CSMD1: variants seen among roughly 807,000 people sequenced by gnomAD.
The protein encoded by CSMD1 is CUB and sushi domain-containing protein 1.
A neutral mutation model predicts 417.5 loss-of-function variants in CSMD1; 213 were observed. The ratio of observed to expected loss-of-function variants is 0.51; its 90% CI spans 0.46 to 0.57. The LOEUF (loss-of-function observed/expected upper bound fraction) is 0.57. Among genes scored for constraint, CSMD1 ranks in the 20% least tolerant of loss-of-function variants. The pLI is 0.00. For missense variants in CSMD1, 6,923 were observed against 4,529.7 expected (o/e 1.53, Z -15.17); for synonymous variants, 2,862 against 1,736.8 (o/e 1.65, Z -16.11).
At chr8:3,017,481 T>C (rs1808943423) in intron 52 of CSMD1, among the ~76,000 whole-genome samples, 1 of 152,290 alleles carries the variant, frequency 6.6e-6, no homozygotes, top group South Asian at 2.1e-4. Flanking sequence ...TTCAATAATA[T>C]ATAATGCACT....
chr8:4,985,479 A>G (rs762924649), intron 1 of CSMD1, among the ~76,000 whole-genome samples: 2 of 152,220 alleles, frequency 1.3e-5, no homozygotes, highest in African/African-American at 2.4e-5. Flanking sequence ...TCTTTAGGTG[A>G]GCAAAATTAT....
At chr8:2,960,338 G>A (rs778687289) in intron 62 of CSMD1, among the ~76,000 whole-genome samples, 8 of 152,224 alleles carry the variant, frequency 5.3e-5, no homozygotes, top group Non-Finnish European at 5.9e-5. Context: ...CTCTGTGTCC[G>A]AGCGAGAACA....
chr8:3,700,563 G>A (rs1047068308), intron 7 of CSMD1: 1 of 152,296 alleles, frequency 6.6e-6, no homozygotes, highest in Non-Finnish European at 1.5e-5. Context: ...TTAGTACTTG[G>A]ATGGGAGAAG....
Position 4,245,416 on chromosome 8 carries a change from G to C in CSMD1, c.415+174537C>G, listed in dbSNP as rs867475466. Among the ~76,000 whole-genome samples, 8 of 152,158 alleles carry C rather than the reference G, an allele frequency of 5.3e-5. No homozygotes were observed. In the South Asian group the frequency reaches 1.5e-3, roughly 28 times the overall value. ...CTGATCCACACTCTGATGATGCAAA[G>C]GGAGGAGGAGGCAGGTTAGGTGGTG... On this transcript the variant is annotated intron_variant, in intron 3 of 69. Transcript: ENST00000635120.
intron 3 of CSMD1, among the ~76,000 whole-genome samples, chr8:4,201,737 T>C (rs946697449): frequency 6.6e-6 from 1 of 151,950 alleles, no homozygotes. Context: ...AAAAACATGA[T>C]GATTGGATAC....
chr8:3,952,487 T>C (rs1005701786), intron 5 of CSMD1, among the ~76,000 whole-genome samples: 1 of 152,216 alleles, frequency 6.6e-6, no homozygotes, highest in Non-Finnish European at 1.5e-5. Flanking sequence ...TACTTTCTAG[T>C]ACTAACAGAT....
At chr8:3,834,117 C>T (rs1260424546) in intron 5 of CSMD1, among the ~76,000 whole-genome samples, 1 of 152,160 alleles carries the variant, frequency 6.6e-6, no homozygotes, top group East Asian at 1.9e-4. Flanking sequence ...GTTTTCCTTA[C>T]ATTTCTAATT....
rs936528349 is a variant in CSMD1, at chr8:3,795,038, C to T, written c.819-40996G>A. The stretch of plus-strand genomic sequence containing the variant: ...TATCTATCATATATAGCTATAGATA[C>T]ATATCTATCATGTATAGCTATAGAT... On this transcript the variant is annotated intron_variant, in intron 5 of 69. Coordinates refer to ENST00000635120, the MANE Select transcript of CSMD1 (RefSeq NM_033225.6). 2.4e-4 allele frequency among the ~76,000 whole-genome samples: 32 copies of T among 135,816 alleles called. 1 individual carries two copies. Among genetic ancestry groups the T allele is most frequent in the Admixed American group, 5.5e-4 (7 of 12,824 alleles). 89.1% of individuals were successfully genotyped at this position (135,816 alleles called of 152,430 possible). A position where few individuals can be genotyped will look rare whatever the true frequency, so the allele number is the denominator to read the frequency against.
chr8:3,249,237 A>G (rs1800097292), intron 26 of CSMD1, among the ~76,000 whole-genome samples: 1 of 151,988 alleles, frequency 6.6e-6, no homozygotes, highest in African/African-American at 2.4e-5. Flanking sequence ...TGCTGTTGTT[A>G]TTGAGATAGA....
At position 3,343,465 on chromosome 8, in the gene CSMD1, C is replaced by T. The variant is rs532540268; in HGVS notation, c.3475-15G>A. On this transcript the variant is annotated splice_polypyrimidine_tract_variant and intron_variant, in intron 22 of 69. Transcript: ENST00000635120. ...CCATCATATACCTGATGAAAATTCA[C>T]AGCATGAGTCCCTCTATGCCTTCAC... 1.1e-5 allele frequency: 18 copies of T among 1,608,756 alleles called. No homozygotes were observed. The highest frequency in any genetic ancestry group is 2.2e-5 in the South Asian group (2 of 90,800).
rs149177451 is a variant in CSMD1, at chr8:4,465,605, G to C, written c.303-45540C>G. Among the ~76,000 whole-genome samples, 45 of 152,288 alleles carry C rather than the reference G, an allele frequency of 3.0e-4. 1 individual carries two copies. The highest frequency in any genetic ancestry group is 2.6e-3 in the Admixed American group (40 of 15,304). On this transcript the variant is annotated intron_variant, in intron 2 of 69. Coordinates refer to ENST00000635120, the MANE Select transcript of CSMD1 (RefSeq NM_033225.6). ...GCAGGCCACTTAGAAGTCAGACGTT[G>C]AGGATTATTAAGTTAAGGCCTCAGT...
intron 38 of CSMD1, among the ~76,000 whole-genome samples, chr8:3,159,228 A>C (rs113033746): frequency 0.016 from 2,473 of 152,344 alleles, 56 homozygotes; most frequent in African/African-American, 0.055. Context: ...ATTTATTACC[A>C]ATCTAGGTAA....
intron 1 of CSMD1, among the ~76,000 whole-genome samples, chr8:4,737,094 T>A (rs758374781): frequency 2.0e-5 from 3 of 152,114 alleles, no homozygotes; most frequent in Non-Finnish European, 4.4e-5. Flanking sequence ...TACATGCCCA[T>A]CAATGATAGA....
chr8:3,300,773 G>C (rs1054676831), intron 25 of CSMD1, among the ~76,000 whole-genome samples: 2 of 151,544 alleles, frequency 1.3e-5, no homozygotes, highest in South Asian at 4.2e-4. Context: ...CCTGGCAACA[G>C]GGCGAAACCC....
chr8:3,233,724 G>T (rs999378916), intron 26 of CSMD1, among the ~76,000 whole-genome samples: 2 of 151,710 alleles, frequency 1.3e-5, no homozygotes, highest in African/African-American at 4.8e-5. Flanking sequence ...TAAGTTGTTT[G>T]TAAGTTTTCA....
intron 3 of CSMD1, among the ~76,000 whole-genome samples, chr8:4,241,686 G>C (rs1040767797): frequency 1.4e-5 from 2 of 147,342 alleles, no homozygotes; most frequent in African/African-American, 5.0e-5. Flanking sequence ...TAAGAAATGG[G>C]ATTTGGAGTG....
At chr8:4,025,351 T>A (rs182873714) in intron 4 of CSMD1, among the ~76,000 whole-genome samples, 2 of 152,244 alleles carry the variant, frequency 1.3e-5, no homozygotes, top group African/African-American at 4.8e-5. Context: ...GTTTTGCATT[T>A]GATCCTCTAT....
chr8:4,328,260 T>G (rs952330262), intron 3 of CSMD1, among the ~76,000 whole-genome samples: 7 of 141,804 alleles, frequency 4.9e-5, no homozygotes, highest in African/African-American at 1.9e-4. Context: ...TTTTTTTTTT[T>G]TTTTTGAGAG....
intron 12 of CSMD1, among the ~76,000 whole-genome samples, chr8:3,454,115 T>A (rs1815944366): frequency 6.6e-6 from 1 of 152,216 alleles, no homozygotes; most frequent in African/African-American, 2.4e-5. Context: ...GTCTGTTTTA[T>A]CAGAGACTAG....
Sources: gnomAD v4.1 joint callset for allele counts (sites outside exome capture counted in the v4.1 genomes callset) on GRCh38, gnomAD v4.1.1 for gene constraint, MANE v1.5 for transcripts, NCBI Gene and HGNC (gene_info 2026-07-23, HGNC 2026-07-21) for gene names.